The following STXBP5L variants were observed in gnomAD, a reference collection of about 807,000 sequenced individuals.
STXBP5L encodes syntaxin-binding protein 5-like.
In STXBP5L, 65 loss-of-function variants were observed where a neutral mutation model predicts 144.5. The observed-to-expected ratio is 0.45, with a 90% CI of 0.37 to 0.55. STXBP5L has a LOEUF of 0.55. Among genes scored for constraint, STXBP5L ranks in the 20% least tolerant of loss-of-function variants. The pLI is 0.00. For missense variants in STXBP5L, 1,298 were observed against 1,405.5 expected, an observed-to-expected ratio of 0.92 and a Z score of 1.22; for synonymous variants, 505 against 469.6, an observed-to-expected ratio of 1.08 and a Z score of -0.97.
At chr3:121,390,516 T>A (rs886827477) in intron 22 of STXBP5L, among the ~76,000 whole-genome samples, 1 of 152,250 alleles carries the variant, frequency 6.6e-6, no homozygotes, top group African/African-American at 2.4e-5. Context: ...GTTTTTGCAA[T>A]GGCTGGTACC....
chr3:121,416,499 ATTTATTTATTAT>A (rs1259267964), intron 25 of STXBP5L, among the ~76,000 whole-genome samples: 8 of 114,248 alleles, frequency 7.0e-5, no homozygotes, highest in African/African-American at 1.0e-4. Context: ...TTATTTATTT[ATTTATTTATTAT>A]TTATTTATTT....
At chr3:121,007,795 T>C (rs189451172) in intron 3 of STXBP5L, among the ~76,000 whole-genome samples, 2 of 152,122 alleles carry the variant, frequency 1.3e-5, no homozygotes, top group East Asian at 3.9e-4. Context: ...ATTGTAATGG[T>C]CAAAAGAATG....
In STXBP5L at chr3:121,413,320, A is replaced by G. The variant is rs754168082; in HGVS notation, c.3111A>G (p.Leu1037=). The G allele has an allele frequency of 1.9e-6, 3 of 1,557,876 alleles. No homozygotes were observed. The highest frequency in any genetic ancestry group is 2.7e-5 in the African/African-American group (2 of 72,862). ...LTYSQEMCDN[L]QDMLGDLFTP... ...ACAGCCAAGAAATGTGTGATAATCTACAGGTAGGTCAGGAGTTACATTTAT... is the reference window on the plus strand; with the variant it reads ...ACAGCCAAGAAATGTGTGATAATCTGCAGGTAGGTCAGGAGTTACATTTAT... Residue 1037 remains leucine (L), a synonymous_variant, in exon 24 of 27, where the codon CTA becomes CTG. Transcript: ENST00000471454.
chr3:121,369,486 C>T (rs1165753456), intron 20 of STXBP5L, among the ~76,000 whole-genome samples: 1 of 151,862 alleles, frequency 6.6e-6, no homozygotes, highest in African/African-American at 2.4e-5. Context: ...AATTCTTTGT[C>T]AGACATTTCT....
intron 2 of STXBP5L, among the ~76,000 whole-genome samples, chr3:120,948,760 T>G (rs559529939): frequency 1.3e-5 from 2 of 152,098 alleles, no homozygotes; most frequent in South Asian, 2.1e-4. Flanking sequence ...CAGAGTAGTA[T>G]TTTACGGTGT....
intron 2 of STXBP5L, among the ~76,000 whole-genome samples, chr3:120,944,651 C>T (rs1213188576): frequency 6.6e-6 from 1 of 151,710 alleles, no homozygotes; most frequent in Admixed American, 6.6e-5. Context: ...TCGCCAATGA[C>T]CAGTGGTTGT....
intron 14 of STXBP5L, among the ~76,000 whole-genome samples, chr3:121,244,312 GAAGA>G (rs1486351571): frequency 6.6e-6 from 1 of 151,866 alleles, no homozygotes; most frequent in Non-Finnish European, 1.5e-5. Context: ...TGGCCAAGCA[GAAGA>G]AAGAATCAGT....
intron 10 of STXBP5L, among the ~76,000 whole-genome samples, chr3:121,212,346 G>T (rs1050789946): frequency 2.0e-5 from 3 of 152,008 alleles, no homozygotes; most frequent in Non-Finnish European, 4.4e-5. Context: ...TATGGTTTTA[G>T]GTCTTAAGTT....
intron 4 of STXBP5L, among the ~76,000 whole-genome samples, chr3:121,043,154 C>T (rs1412511716): frequency 6.6e-6 from 1 of 152,020 alleles, no homozygotes; most frequent in Non-Finnish European, 1.5e-5. Context: ...CTGAACTACT[C>T]GCCCTATGTA....
intron 9 of STXBP5L, among the ~76,000 whole-genome samples, chr3:121,180,660 A>T (rs2108102934): frequency 6.6e-6 from 1 of 152,318 alleles, no homozygotes; most frequent in South Asian, 2.1e-4. Flanking sequence ...GGATCACTTG[A>T]GTTCAGCGGT....
intron 22 of STXBP5L, among the ~76,000 whole-genome samples, chr3:121,402,815 G>T (rs749876319): frequency 6.6e-6 from 1 of 152,050 alleles, no homozygotes; most frequent in Non-Finnish European, 1.5e-5. Flanking sequence ...TTGGTTGTGT[G>T]TGTATGTGTG....
intron 9 of STXBP5L, among the ~76,000 whole-genome samples, chr3:121,189,176 A>T (rs569566354): frequency 2.0e-5 from 3 of 152,292 alleles, no homozygotes; most frequent in African/African-American, 4.8e-5. Context: ...TAAGTTTCCT[A>T]TTCACTGTGA....
chr3:120,973,560 A>G lies in STXBP5L; in HGVS notation c.287+18523A>G, dbSNP rs562759659. 2.6e-5 allele frequency among the ~76,000 whole-genome samples: 4 copies of G among 151,916 alleles called. No homozygotes were observed. In the South Asian group the frequency reaches 8.3e-4, roughly 32 times the overall value. On this transcript the variant is annotated intron_variant, in intron 3 of 26. Transcript: ENST00000471454. ...CTTTGATTCTTTATATTTTTTTATT[A>G]TACTTTAGTTTTAGGGTACATGTGC...
intron 19 of STXBP5L, among the ~76,000 whole-genome samples, chr3:121,315,683 T>C (rs1331451018): frequency 1.3e-5 from 2 of 151,676 alleles, no homozygotes; most frequent in African/African-American, 2.4e-5. Context: ...AATCAGAATA[T>C]GAAACTCTTT....
At chr3:120,983,173 A>G (rs1576569197) in intron 3 of STXBP5L, among the ~76,000 whole-genome samples, 1 of 152,292 alleles carries the variant, frequency 6.6e-6, no homozygotes, top group African/African-American at 2.4e-5. Context: ...CAGAGGCAGC[A>G]GGGATGGCAG....
intron 8 of STXBP5L, among the ~76,000 whole-genome samples, chr3:121,153,043 A>C (rs1031126884): frequency 6.6e-6 from 1 of 152,078 alleles, no homozygotes; most frequent in African/African-American, 2.4e-5. Flanking sequence ...TAGAATAAAG[A>C]AAAATTTTGT....
chr3:121,228,216 G>T (rs983032777), intron 11 of STXBP5L, among the ~76,000 whole-genome samples: 1 of 152,182 alleles, frequency 6.6e-6, no homozygotes, highest in Non-Finnish European at 1.5e-5. Context: ...GTTTTCTGAA[G>T]TAGTCAAAAC....
chr3:121,146,658 T>A (rs990321145), intron 7 of STXBP5L, among the ~76,000 whole-genome samples: 3 of 152,116 alleles, frequency 2.0e-5, no homozygotes, highest in African/African-American at 7.2e-5. Context: ...GGATATAGTA[T>A]GTAAACCATA....
chr3:121,284,908 G>A (rs1201863384), intron 19 of STXBP5L, among the ~76,000 whole-genome samples: 4 of 151,988 alleles, frequency 2.6e-5, no homozygotes, highest in African/African-American at 9.7e-5. Context: ...GATTGATATT[G>A]TATATTATGA....
Sources: gnomAD v4.1 joint callset for allele counts (sites outside exome capture counted in the v4.1 genomes callset) on GRCh38, gnomAD v4.1.1 for gene constraint, MANE v1.5 for transcripts, NCBI Gene and HGNC (gene_info 2026-07-23, HGNC 2026-07-21) for gene names.